SLMAP: variants seen among roughly 807,000 people sequenced by gnomAD.
SLMAP encodes the protein sarcolemmal membrane-associated protein.
Under a neutral mutation model 128.8 loss-of-function variants are expected in SLMAP, and 44 were observed. The observed-to-expected ratio is 0.34, with a 90% CI of 0.27 to 0.44. The LOEUF is 0.44. SLMAP is among the 20% of genes least tolerant of loss of function. The pLI is 1.00. For synonymous variants in SLMAP, 327 were observed against 348.8 expected (o/e 0.94, Z 0.70); for missense variants, 787 against 985.3 (o/e 0.80, Z 2.69).
chr3:57,892,790 A>ACACG (rs2096118744), intron 15 of SLMAP, among the ~76,000 whole-genome samples: 1 of 147,864 alleles, frequency 6.8e-6, no homozygotes, highest in Admixed American at 6.8e-5. Flanking sequence ...TAAAACACAC[A>ACACG]CACACACACA....
intron 17 of SLMAP, among the ~76,000 whole-genome samples, chr3:57,906,430 C>T (rs746722711): frequency 8.2e-5 from 12 of 147,026 alleles, no homozygotes; most frequent in Non-Finnish European, 1.5e-4. Context: ...ATTCTCGTGC[C>T]TCAGCCTCCT....
At chr3:57,908,092 C>T (rs2096611308) in intron 18 of SLMAP, 86 bp downstream of exon 18, 5 of 1,280,672 alleles carry the variant, frequency 3.9e-6, no homozygotes, top group African/African-American at 1.5e-5. Context: ...AGTCCGGAGG[C>T]ATGTTCCAGA....
intron 2 of SLMAP, among the ~76,000 whole-genome samples, chr3:57,809,219 A>G (rs993903804): frequency 6.6e-6 from 1 of 152,166 alleles, no homozygotes; most frequent in East Asian, 1.9e-4. Flanking sequence ...CTGTGGACCC[A>G]GGCATCCCTG....
intron 5 of SLMAP, among the ~76,000 whole-genome samples, chr3:57,849,264 T>C (rs2094420155): frequency 6.6e-6 from 1 of 152,188 alleles, no homozygotes; most frequent in South Asian, 2.1e-4. Flanking sequence ...TTATAGAAGA[T>C]ATTCCTTATA....
chr3:57,841,308 G>A lies in SLMAP; in HGVS notation c.356G>A (p.Gly119Glu). The change falls in exon 4 of 25, where the codon GGG becomes GAG. Residue 119 changes from glycine (G) to glutamate (E), a missense_variant. Around this residue, in one of 2 missense-constraint regions of SLMAP, gnomAD observed 715 missense variants for 843.6 expected, o/e 0.85. Coordinates refer to ENST00000671191, the MANE Select transcript of SLMAP (RefSeq NM_001377540.1). The part of the protein sequence containing the change: ...VTENTRKVTH[G>E]CIVSTIKLFL... Reference sequence around the variant, plus strand: ...TGTTTGTTTCAACCAGTTACCCATGGGTGTATTGTTTCCACAATAAAACTT... The same window carrying A: ...TGTTTGTTTCAACCAGTTACCCATGAGTGTATTGTTTCCACAATAAAACTT... The A allele has an allele frequency of 1.3e-6, 2 of 1,599,612 alleles. No homozygotes were observed. Among genetic ancestry groups the A allele is most frequent in the African/African-American group, 1.3e-5 (1 of 74,480 alleles).
chr3:57,915,632 C>CT (rs1254911202), intron 21 of SLMAP, among the ~76,000 whole-genome samples: 11 of 152,208 alleles, frequency 7.2e-5, no homozygotes, highest in African/African-American at 2.7e-4. Context: ...CATAGTGAGT[C>CT]TGAGTCTTGA....
chr3:57,914,887 T>G (rs953106416), intron 21 of SLMAP, among the ~76,000 whole-genome samples: 2 of 101,672 alleles, frequency 2.0e-5, no homozygotes, highest in East Asian at 4.7e-4. Flanking sequence ...CAACTCATAA[T>G]TTTTTTTTTT....
chr3:57,800,860 A>G, intron 2 of SLMAP: 1 of 176,686 alleles, frequency 5.7e-6, no homozygotes, highest in Non-Finnish European at 1.2e-5. Flanking sequence ...AAAGTCATTC[A>G]GACCTCATCT....
At position 57,912,453 on chromosome 3, in the gene SLMAP, G is replaced by A; in HGVS notation, c.1772G>A (p.Arg591Lys). 1 of 1,614,146 alleles carries A rather than the reference G, an allele frequency of 6.2e-7. No individual in the cohort carries two copies. Among genetic ancestry groups the A allele is most frequent in the Non-Finnish European group, 8.5e-7 (1 of 1,180,002 alleles). Residue 591 changes from arginine to lysine, a missense_variant, in exon 20 of 25, where the codon AGA (arginine) becomes AAA (lysine). Physicochemically the swap from Arg to Lys is conservative, Grantham distance 26. Transcript: ENST00000671191. ...AAGGACAGTGAAATCACAAGTACTAGAGATGAATTGCTTAGTGCCCGAGAT... is the reference window on the plus strand; with the variant it reads ...AAGGACAGTGAAATCACAAGTACTAAAGATGAATTGCTTAGTGCCCGAGAT... ...EEKDSEITST[R>K]DELLSARDEI...
intron 6 of SLMAP, 110 bp from the exon 7 acceptor site, chr3:57,857,623 A>G: frequency 1.4e-6 from 1 of 730,052 alleles, no homozygotes; most frequent in Non-Finnish European, 2.4e-6. Flanking sequence ...TTTAAAATAC[A>G]TCAAGTGGGA....
chr3:57,864,267 T>A (rs1014443637), intron 10 of SLMAP, among the ~76,000 whole-genome samples: 1 of 151,750 alleles, frequency 6.6e-6, no homozygotes, highest in Non-Finnish European at 1.5e-5. Context: ...ATTAGCTGGG[T>A]ATGGTGGCGC....
At chr3:57,918,854 C>T (rs2096862332) in intron 22 of SLMAP, among the ~76,000 whole-genome samples, 1 of 152,124 alleles carries the variant, frequency 6.6e-6, no homozygotes, top group Admixed American at 6.6e-5. Context: ...ACAAGCTAAG[C>T]AAGCCCACAT....
At chr3:57,791,844 A>G (rs1179881904) in intron 2 of SLMAP, among the ~76,000 whole-genome samples, 4 of 152,140 alleles carry the variant, frequency 2.6e-5, no homozygotes, top group Non-Finnish European at 5.9e-5. Context: ...TTTATTAATG[A>G]TCTATTAATG....
intron 3 of SLMAP, among the ~76,000 whole-genome samples, chr3:57,841,089 AT>A (rs1328133762): frequency 6.6e-6 from 1 of 152,186 alleles, no homozygotes; most frequent in Non-Finnish European, 1.5e-5. Flanking sequence ...ACTTTTCAAA[AT>A]GATTCTATCC....
chr3:57,863,425 G>C (rs2095182600), intron 10 of SLMAP, among the ~76,000 whole-genome samples: 1 of 152,160 alleles, frequency 6.6e-6, no homozygotes, highest in Non-Finnish European at 1.5e-5. Flanking sequence ...TTTCAAAGTT[G>C]GTCTTGTTAA....
chr3:57,816,985 A>G (rs1311307757), intron 2 of SLMAP, among the ~76,000 whole-genome samples: 1 of 152,226 alleles, frequency 6.6e-6, no homozygotes, highest in Non-Finnish European at 1.5e-5. Flanking sequence ...TGAGAAAAAG[A>G]GGAAGATTAG....
intron 14 of SLMAP, among the ~76,000 whole-genome samples, chr3:57,884,213 G>A (rs2095821058): frequency 6.6e-6 from 1 of 152,154 alleles, no homozygotes. Context: ...ATAGGCGTGA[G>A]CCACCACACC....
chr3:57,902,815 A>G (rs1487577262), intron 17 of SLMAP, among the ~76,000 whole-genome samples: 2 of 152,168 alleles, frequency 1.3e-5, no homozygotes, highest in Non-Finnish European at 2.9e-5. Flanking sequence ...AGGAAGAGTG[A>G]CCATGGGTTT....
intron 14 of SLMAP, among the ~76,000 whole-genome samples, chr3:57,879,461 G>A (rs2095675668): frequency 6.6e-6 from 1 of 152,018 alleles, no homozygotes; most frequent in South Asian, 2.1e-4. Context: ...ATCCAAACTG[G>A]AAACAGCCAA....
Sources: allele counts gnomAD v4.1 joint callset (sites outside exome capture counted in the v4.1 genomes callset), GRCh38; gene constraint gnomAD v4.1.1; regional missense constraint gnomAD v4.1.1; transcripts MANE v1.5; gene names NCBI Gene and HGNC (gene_info 2026-07-23, HGNC 2026-07-21).